The following SIM1 variants were observed in gnomAD, a reference collection of about 807,000 sequenced individuals.
The protein encoded by SIM1 is single-minded homolog 1.
A neutral mutation model predicts 78.2 loss-of-function variants in SIM1; 18 were observed. That is an observed-to-expected ratio of 0.23 (90% confidence interval 0.16 to 0.34). The LOEUF (loss-of-function observed/expected upper bound fraction) is 0.34, where lower values mean the gene tolerates loss of function less well. Among genes scored for constraint, SIM1 ranks in the 10% least tolerant of loss-of-function variants. SIM1 has a pLI of 1.00. For synonymous variants in SIM1, 417 were observed against 385.2 expected (o/e 1.08, Z -0.97); for missense variants, 939 against 975.1 (o/e 0.96, Z 0.49).
chr6:100,432,149 AAAAG>A (rs1771918960), intron 9 of SIM1, among the ~76,000 whole-genome samples: 1 of 152,182 alleles, frequency 6.6e-6, no homozygotes, highest in African/African-American at 2.4e-5. Context: ...CTATCTCTTA[AAAAG>A]AGAGAGAGAG....
intron 2 of SIM1, among the ~76,000 whole-genome samples, chr6:100,459,930 C>T (rs1772793404): frequency 6.6e-6 from 1 of 152,070 alleles, no homozygotes. Flanking sequence ...AGATCCTGCC[C>T]CTCTGGCTTT....
At chr6:100,399,017 A>C (rs1310254360) in intron 10 of SIM1, among the ~76,000 whole-genome samples, 2 of 151,634 alleles carry the variant, frequency 1.3e-5, no homozygotes, top group Non-Finnish European at 2.9e-5. Context: ...GTCTCATTGC[A>C]GTTTTGATTT....
In SIM1 at chr6:100,458,018, CT is replaced by C. The variant is rs1562064248; in HGVS notation, c.176-4175del. On this transcript the variant is annotated intron_variant, in intron 2 of 11. Coordinates refer to ENST00000369208, the MANE Select transcript of SIM1 (RefSeq NM_005068.3). Reference sequence around the variant, plus strand: ...TCTGTCTCTCTCTTTCTCTCTCTCTCTCTCTCTCTCTCTCTCTCTCTCTCTC... The same window carrying C: ...TCTGTCTCTCTCTTTCTCTCTCTCTCCTCTCTCTCTCTCTCTCTCTCTCTC... Among the ~76,000 whole-genome samples the C allele has an allele frequency of 5.1e-3, 443 of 87,618 alleles. 19 individuals are homozygous for C. The highest frequency in any genetic ancestry group is 0.016 in the South Asian group (49 of 3,034). The allele number at this position is 87,618 out of a possible 152,430, so 57.5% of individuals were successfully genotyped here. A position where few individuals can be genotyped will look rare whatever the true frequency, so the allele number is the denominator to read the frequency against.
chr6:100,440,077 T>C (rs185224859), intron 9 of SIM1, among the ~76,000 whole-genome samples: 6 of 152,334 alleles, frequency 3.9e-5, no homozygotes. Context: ...TTTCAAAGTA[T>C]TTTAGTTGAC....
At chr6:100,423,454 G>A (rs1257204750) in intron 9 of SIM1, among the ~76,000 whole-genome samples, 1 of 152,142 alleles carries the variant, frequency 6.6e-6, no homozygotes, top group African/African-American at 2.4e-5. Flanking sequence ...TCATGAAGAA[G>A]GTACCAGGGC....
intron 2 of SIM1, among the ~76,000 whole-genome samples, chr6:100,456,919 A>T (rs1317532307): frequency 1.3e-5 from 2 of 152,206 alleles, no homozygotes; most frequent in East Asian, 3.8e-4. Flanking sequence ...ATTTCGATTT[A>T]TAAAACAAGA....
intron 1 of SIM1, among the ~76,000 whole-genome samples, chr6:100,464,331 G>A (rs887868925): frequency 1.3e-5 from 2 of 152,180 alleles, no homozygotes; most frequent in African/African-American, 4.8e-5. Flanking sequence ...TGGCAGATCT[G>A]GACCTTGGCT....
rs1562239564 is a variant in SIM1 at position 100,412,600 on chromosome 6, AAAG to A, written c.1167+8187_1167+8189del. 8.6e-4 allele frequency among the ~76,000 whole-genome samples: 103 copies of A among 119,678 alleles called. 3 individuals carry two copies. Among genetic ancestry groups the A allele is most frequent in the African/African-American group, 3.1e-3 (100 of 32,010 alleles). The allele number at this position is 119,678 out of a possible 152,430, so 78.5% of individuals were successfully genotyped here. A position where few individuals can be genotyped will look rare whatever the true frequency, so the allele number is the denominator to read the frequency against. On this transcript the variant is annotated intron_variant, in intron 10 of 11. Coordinates refer to ENST00000369208, the MANE Select transcript of SIM1 (RefSeq NM_005068.3). ...GAAAGAAAGAAAGAAAGAAAGAAAG[AAAG>A]AAAGAAAGGAAAGAAAGAAGGAAAG...
intron 9 of SIM1, among the ~76,000 whole-genome samples, chr6:100,431,680 C>T (rs1040498626): frequency 3.5e-4 from 54 of 152,242 alleles, no homozygotes; most frequent in African/African-American, 1.1e-3. Context: ...ACACAGAATA[C>T]GTAGTTAACA....
intron 10 of SIM1, among the ~76,000 whole-genome samples, chr6:100,420,495 G>A (rs1449280817): frequency 6.6e-6 from 1 of 152,102 alleles, no homozygotes; most frequent in East Asian, 1.9e-4. Flanking sequence ...GTCACTCACT[G>A]GGTGGGAGGG....
chr6:100,393,481 T>TC lies in SIM1; in HGVS notation c.1570+5dup. The TC allele has an allele frequency of 6.6e-7, 1 of 1,517,488 alleles. No individual in the cohort carries two copies. The highest frequency in any genetic ancestry group is 8.8e-7 in the Non-Finnish European group (1 of 1,130,530). 94.0% of individuals were successfully genotyped at this position (1,517,488 alleles called of 1,614,324 possible). A position where few individuals can be genotyped will look rare whatever the true frequency, so the allele number is the denominator to read the frequency against. On this transcript the variant is annotated splice_donor_region_variant and intron_variant, in intron 11 of 11. Transcript: ENST00000369208. ...GGAGTTCGGGAACCCTTTCACCTGC[T>TC]CTTACCATGGATCCTGTGGACTGAA...
At chr6:100,399,237 A>G (rs1032788257) in intron 10 of SIM1, among the ~76,000 whole-genome samples, 1 of 152,130 alleles carries the variant, frequency 6.6e-6, no homozygotes, top group African/African-American at 2.4e-5. Context: ...TAAACAAAAT[A>G]TATTCATACC....
At chr6:100,407,649 C>A (rs1461660644) in intron 10 of SIM1, among the ~76,000 whole-genome samples, 8 of 152,024 alleles carry the variant, frequency 5.3e-5, no homozygotes, top group African/African-American at 1.9e-4. Context: ...CTAACAGGTA[C>A]AAGGTGATAT....
At chr6:100,405,214 A>G (rs1371535815) in intron 10 of SIM1, among the ~76,000 whole-genome samples, 1 of 152,072 alleles carries the variant, frequency 6.6e-6, no homozygotes, top group Non-Finnish European at 1.5e-5. Context: ...TACAGTTCCT[A>G]AAGAATTAAG....
In SIM1 at chr6:100,412,612, G is replaced by A. The variant is rs568932472; in HGVS notation, c.1167+8178C>T. ...GAAAGAAAGAAAGAAAGAAAGAAAG[G>A]AAAGAAAGAAGGAAAGAAAGAAAGA... On this transcript the variant is annotated intron_variant, in intron 10 of 11. Coordinates refer to ENST00000369208, the MANE Select transcript of SIM1 (RefSeq NM_005068.3). 3.8e-3 allele frequency among the ~76,000 whole-genome samples: 217 copies of A among 57,762 alleles called. 11 individuals are homozygous for A. The highest frequency in any genetic ancestry group is 7.8e-3 in the African/African-American group (122 of 15,646). 37.9% of individuals were successfully genotyped at this position (57,762 alleles called of 152,430 possible). A position where few individuals can be genotyped will look rare whatever the true frequency, so the allele number is the denominator to read the frequency against.
At chr6:100,447,118 C>G (rs1772375807) in intron 9 of SIM1, 150 bp downstream of exon 9, 3 of 756,204 alleles carry the variant, frequency 4.0e-6, no homozygotes, top group Non-Finnish European at 6.3e-6. Flanking sequence ...AGTGTTCGAT[C>G]TGCCTCCTCT....
chr6:100,457,312 G>A (rs533917596), intron 2 of SIM1, among the ~76,000 whole-genome samples: 1 of 152,316 alleles, frequency 6.6e-6, no homozygotes, highest in Non-Finnish European at 1.5e-5. Context: ...CCAACTAATT[G>A]AGGTGCCTTG....
intron 9 of SIM1, 21 bp downstream of exon 9, chr6:100,447,247 G>T: frequency 6.2e-7 from 1 of 1,609,608 alleles, no homozygotes; most frequent in African/African-American, 1.3e-5. Flanking sequence ...GTGGGTGAAG[G>T]GGTCTCAGTC....
At chr6:100,437,522 A>C (rs1460909916) in intron 9 of SIM1, 2 of 152,118 alleles carry the variant, frequency 1.3e-5, no homozygotes, top group African/African-American at 4.8e-5. Context: ...TACATTCAGA[A>C]TATTGATATC....
Sources: gnomAD v4.1 joint callset for allele counts (sites outside exome capture counted in the v4.1 genomes callset) on GRCh38, gnomAD v4.1.1 for gene constraint, MANE v1.5 for transcripts, NCBI Gene and HGNC (gene_info 2026-07-23, HGNC 2026-07-21) for gene names.